The following MEF2A variants were observed in gnomAD, a reference collection of about 807,000 sequenced individuals.
MEF2A encodes myocyte enhancer factor 2A, also known as myocyte-specific enhancer factor 2A.
In MEF2A, 28 loss-of-function variants were observed where a neutral mutation model predicts 55.8. The observed-to-expected ratio is 0.50, with a 90% CI of 0.37 to 0.69. The LOEUF (loss-of-function observed/expected upper bound fraction) is 0.69. Among genes scored for constraint, MEF2A ranks in the 30% least tolerant of loss-of-function variants. MEF2A has a pLI of 0.00. For missense variants in MEF2A, 528 were observed against 626.2 expected, an observed-to-expected ratio of 0.84 and a Z score of 1.67; for synonymous variants, 239 against 227.1, an observed-to-expected ratio of 1.05 and a Z score of -0.47.
chr15:99,710,603 A>C lies in MEF2A; in HGVS notation c.1010-31A>C. 4 of 1,594,366 alleles carry C rather than the reference A, an allele frequency of 2.5e-6. No individual in the cohort carries two copies. In the African/African-American group the frequency reaches 5.4e-5, roughly 21 times the overall value. On this transcript the variant is annotated intron_variant, in intron 10 of 11. Coordinates refer to ENST00000557942, the MANE Select transcript of MEF2A (RefSeq NM_001319206.4). ...ATAGATTCCGTATGGACCTTCCATC[A>C]TATGCAGAGCCCTCTTGTCTTCCTT...
chr15:99,568,690 G>A (rs1386590449), intron 1 of MEF2A, among the ~76,000 whole-genome samples: 1 of 152,140 alleles, frequency 6.6e-6, no homozygotes, highest in South Asian at 2.1e-4. Context: ...TGTCAGTTTG[G>A]AAAACCATCT....
chr15:99,609,178 T>G (rs1976255327), intron 2 of MEF2A, among the ~76,000 whole-genome samples: 1 of 152,204 alleles, frequency 6.6e-6, no homozygotes, highest in Admixed American at 6.5e-5. Flanking sequence ...GGCATGACAT[T>G]GTTCATAATG....
chr15:99,684,146 A>G (rs1400466430), intron 7 of MEF2A, among the ~76,000 whole-genome samples: 8 of 152,148 alleles, frequency 5.3e-5, no homozygotes, highest in Non-Finnish European at 7.3e-5. Context: ...GGCTGGTTCC[A>G]TATTTTCGCA....
In MEF2A at chr15:99,712,131, T is replaced by C. The variant is rs150576566; in HGVS notation, c.1137-259T>C. Among the ~76,000 whole-genome samples the C allele has an allele frequency of 6.6e-6, 1 of 152,358 alleles. No individual in the cohort carries two copies. The highest frequency in any genetic ancestry group is 2.4e-5 in the African/African-American group (1 of 41,584). ...GACACTGACATTGTTTTGTATACTTTAGCTGCAAAAGTACCAACGTTGTGG... is the reference window on the plus strand; with the variant it reads ...GACACTGACATTGTTTTGTATACTTCAGCTGCAAAAGTACCAACGTTGTGG... On this transcript the variant is annotated intron_variant, in intron 11 of 11. Coordinates refer to ENST00000557942, the MANE Select transcript of MEF2A (RefSeq NM_001319206.4). The surrounding 1 kb of genome is among the most constrained non-coding windows in gnomAD (Gnocchi z 4.1).
At chr15:99,648,617 G>C (rs536062678) in intron 4 of MEF2A, among the ~76,000 whole-genome samples, 1 of 152,124 alleles carries the variant, frequency 6.6e-6, no homozygotes, top group East Asian at 1.9e-4. Flanking sequence ...CTTCCATAAG[G>C]CCTATAACCT....
chr15:99,710,680 C>T lies in MEF2A; in HGVS notation c.1056C>T (p.Asn352=). 5 of 1,613,720 alleles carry T rather than the reference C, an allele frequency of 3.1e-6. No homozygotes were observed. Among genetic ancestry groups the T allele is most frequent in the Non-Finnish European group, 3.4e-6 (4 of 1,179,590 alleles). ...SADLSALQGF[N]SPGMLSLGQV... ...ACCTGTCAGCCCTTCAAGGCTTCAA[C>T]TCGCCAGGAATGCTGTCGCTGGGAC... The change falls in exon 11 of 12, where the codon AAC becomes AAT. Residue 352 remains asparagine, a synonymous_variant. Transcript: ENST00000557942.
At chr15:99,573,065 A>G (rs889580644) in intron 1 of MEF2A, among the ~76,000 whole-genome samples, 2 of 152,084 alleles carry the variant, frequency 1.3e-5, no homozygotes, top group Non-Finnish European at 2.9e-5. Flanking sequence ...GAGGCGGGCG[A>G]TTCACGAGGT....
At chr15:99,696,221 A>G (rs148593743) in intron 8 of MEF2A, among the ~76,000 whole-genome samples, 1 of 152,314 alleles carries the variant, frequency 6.6e-6, no homozygotes, top group Non-Finnish European at 1.5e-5. Context: ...AAAAATCAGT[A>G]AGGATCTAGA....
intron 8 of MEF2A, among the ~76,000 whole-genome samples, chr15:99,701,657 G>A (rs1021931658): frequency 6.6e-5 from 10 of 152,238 alleles, no homozygotes; most frequent in Admixed American, 6.5e-4. Context: ...TGAGTGAGAT[G>A]TGAGGGAGCT....
rs1567220988 is a variant in MEF2A, at chr15:99,610,424, CCCA to C, written c.-143+11916_-143+11918del. Reference sequence around the variant, plus strand: ...CTGGTCTCCCCCGCCCCCCCCCCCCCCCACCCCCCCCCGAAATTGACAAACTGA... The same window carrying C: ...CTGGTCTCCCCCGCCCCCCCCCCCCCCCCCCCCCCGAAATTGACAAACTGA... On this transcript the variant is annotated intron_variant, in intron 2 of 11. Coordinates refer to ENST00000557942, the MANE Select transcript of MEF2A (RefSeq NM_001319206.4). Among the ~76,000 whole-genome samples the C allele has an allele frequency of 4.8e-3, 288 of 59,842 alleles. 4 individuals are homozygous for C. Among genetic ancestry groups the C allele is most frequent in the Non-Finnish European group, 6.4e-3 (204 of 32,122 alleles). The allele number at this position is 59,842 out of a possible 152,430, so 39.3% of individuals were successfully genotyped here.
chr15:99,637,821 T>A (rs1002370076), intron 3 of MEF2A, among the ~76,000 whole-genome samples: 4 of 152,116 alleles, frequency 2.6e-5, no homozygotes, highest in Non-Finnish European at 4.4e-5. Flanking sequence ...TTTTTTGTAT[T>A]TTTAGTAGAG....
chr15:99,703,412 A>C, intron 9 of MEF2A, 27 bp downstream of exon 9: 1 of 1,589,740 alleles, frequency 6.3e-7, no homozygotes, highest in Admixed American at 1.8e-5. Context: ...GCTTGAAGGA[A>C]GTTGAAAAAG....
At chr15:99,642,506 G>C (rs1418745706) in intron 3 of MEF2A, among the ~76,000 whole-genome samples, 1 of 150,870 alleles carries the variant, frequency 6.6e-6, no homozygotes, top group Admixed American at 6.6e-5. Context: ...TTTCATTATT[G>C]TGCTAAAAAT....
intron 3 of MEF2A, among the ~76,000 whole-genome samples, chr15:99,641,300 C>G (rs1481966238): frequency 6.6e-6 from 1 of 152,168 alleles, no homozygotes; most frequent in African/African-American, 2.4e-5. Context: ...TTGTACTGCC[C>G]AGGTTTCATT....
chr15:99,584,912 A>C (rs1966847508), intron 1 of MEF2A, among the ~76,000 whole-genome samples: 1 of 152,040 alleles, frequency 6.6e-6, no homozygotes, highest in Non-Finnish European at 1.5e-5. Flanking sequence ...GTTTGAACAG[A>C]TGTTTTGGGC....
At chr15:99,592,573 G>C (rs1969685075) in intron 1 of MEF2A, among the ~76,000 whole-genome samples, 1 of 152,204 alleles carries the variant, frequency 6.6e-6, no homozygotes, top group Non-Finnish European at 1.5e-5. Flanking sequence ...TAGTTCTGCA[G>C]ACGTACAAGA....
intron 1 of MEF2A, among the ~76,000 whole-genome samples, chr15:99,581,855 G>C (rs1966034904): frequency 6.6e-6 from 1 of 152,080 alleles, no homozygotes; most frequent in African/African-American, 2.4e-5. Context: ...ATTTGAACTG[G>C]ATATCAAGTT....
At chr15:99,700,698 G>A (rs1007100799) in intron 8 of MEF2A, among the ~76,000 whole-genome samples, 1 of 152,060 alleles carries the variant, frequency 6.6e-6, no homozygotes, top group Non-Finnish European at 1.5e-5. Flanking sequence ...GAAAAAAATG[G>A]TTTGTTGTAG....
At chr15:99,629,565 C>T (rs202093062) in intron 2 of MEF2A, among the ~76,000 whole-genome samples, 2 of 147,306 alleles carry the variant, frequency 1.4e-5, no homozygotes, top group African/African-American at 5.0e-5. Context: ...AAAGTTAGTC[C>T]TCTTTCCAAA....
Sources: gnomAD v4.1 joint callset for allele counts (sites outside exome capture counted in the v4.1 genomes callset) on GRCh38, gnomAD v4.1.1 for gene constraint, Gnocchi (gnomAD v3.1) non-coding constraint, MANE v1.5 for transcripts, NCBI Gene and HGNC (gene_info 2026-07-23, HGNC 2026-07-21) for gene names.